SLC12A6: variants seen among roughly 807,000 people sequenced by gnomAD.
SLC12A6 encodes K-Cl cotransporter 3.
A neutral mutation model predicts 135.3 loss-of-function variants in SLC12A6; 66 were observed. The ratio of observed to expected loss-of-function variants is 0.49; its 90% confidence interval spans 0.40 to 0.60. SLC12A6 has a LOEUF of 0.60. Ranked by LOEUF, SLC12A6 falls within the 20% of genes least tolerant of loss-of-function variation. SLC12A6 has a pLI of 0.00. For synonymous variants in SLC12A6, 513 were observed against 508.8 expected, an observed-to-expected ratio of 1.01 and a Z score of -0.11; for missense variants, 1,058 against 1,452.3, an observed-to-expected ratio of 0.73 and a Z score of 4.41.
intron 19 of SLC12A6, among the ~76,000 whole-genome samples, chr15:34,240,098 C>T (rs74665959): frequency 2.0e-5 from 3 of 151,952 alleles, no homozygotes; most frequent in Admixed American, 6.6e-5. Context: ...ATCCTTCCCC[C>T]CTCCCCCCAC....
chr15:34,278,565 A>G (rs1038616265), intron 2 of SLC12A6, among the ~76,000 whole-genome samples: 1 of 152,186 alleles, frequency 6.6e-6, no homozygotes, highest in Non-Finnish European at 1.5e-5. Context: ...TCAGATGAGT[A>G]GAAACAAGTC....
At chr15:34,309,267 CAT>C (rs1283882215) in intron 2 of SLC12A6, among the ~76,000 whole-genome samples, 1 of 152,094 alleles carries the variant, frequency 6.6e-6, no homozygotes, top group Non-Finnish European at 1.5e-5. Flanking sequence ...TAACCTATGC[CAT>C]ATGTCTAAAT....
intron 2 of SLC12A6, among the ~76,000 whole-genome samples, chr15:34,334,538 G>A (rs1890074853): frequency 6.6e-6 from 1 of 151,884 alleles, no homozygotes; most frequent in African/African-American, 2.4e-5. Flanking sequence ...CATGATGACA[G>A]TCATCATAAG....
chr15:34,283,330 C>T (rs150857946), intron 2 of SLC12A6, among the ~76,000 whole-genome samples: 66 of 151,660 alleles, frequency 4.4e-4, no homozygotes, highest in African/African-American at 1.1e-3. Flanking sequence ...GTGACAAGAG[C>T]GAAACTCTGT....
intron 2 of SLC12A6, among the ~76,000 whole-genome samples, chr15:34,322,567 G>C (rs965468062): frequency 4.6e-5 from 7 of 152,066 alleles, no homozygotes; most frequent in Admixed American, 4.6e-4. Context: ...GCATACAATA[G>C]GATAGATGGA....
chr15:34,316,673 G>T (rs1455594119), intron 2 of SLC12A6, among the ~76,000 whole-genome samples: 1 of 152,164 alleles, frequency 6.6e-6, no homozygotes, highest in East Asian at 1.9e-4. Flanking sequence ...ACCTAATAAT[G>T]TCCACTCATT....
At chr15:34,295,924 C>T (rs564842861) in intron 2 of SLC12A6, among the ~76,000 whole-genome samples, 2 of 152,230 alleles carry the variant, frequency 1.3e-5, no homozygotes, top group African/African-American at 4.8e-5. Flanking sequence ...TGCTTGAACC[C>T]AGGAGAAGGA....
intron 2 of SLC12A6, among the ~76,000 whole-genome samples, chr15:34,325,612 T>C (rs561795082): frequency 6.6e-6 from 1 of 152,286 alleles, no homozygotes; most frequent in East Asian, 1.9e-4. Flanking sequence ...GCTACCTCTT[T>C]GGTTGGTGAT....
intron 3 of SLC12A6, among the ~76,000 whole-genome samples, chr15:34,271,450 T>G (rs755740386): frequency 5.9e-5 from 9 of 151,976 alleles, no homozygotes; most frequent in Non-Finnish European, 1.0e-4. Context: ...AAAACTGAGG[T>G]AGTAGTTACT....
Position 34,238,949 on chromosome 15 carries a change from G to C in SLC12A6, c.2632+16C>G. 1 of 1,606,318 alleles carries C rather than the reference G, an allele frequency of 6.2e-7. No homozygotes were observed. On this transcript the variant is annotated intron_variant, in intron 20 of 25. Transcript: ENST00000354181. ...TCGACTTGGGCCTTTAGGTTTGTAT[G>C]AGAAATGGTTAGTACCAATAAAAGT...
At chr15:34,258,406 T>C (rs1325809163) in intron 5 of SLC12A6, among the ~76,000 whole-genome samples, 2 of 152,194 alleles carry the variant, frequency 1.3e-5, no homozygotes, top group African/African-American at 4.8e-5. Flanking sequence ...GAATGCTCTT[T>C]TCCCACATAG....
At chr15:34,240,432 G>A (rs538343284) in intron 19 of SLC12A6, among the ~76,000 whole-genome samples, 53 of 152,234 alleles carry the variant, frequency 3.5e-4, no homozygotes, top group African/African-American at 1.1e-3. Flanking sequence ...ATAAGGTTTA[G>A]ACTTAATAAT....
At chr15:34,234,108 TTTGGA>T (rs1309576518) in intron 25 of SLC12A6, 136 bp from the exon 26 acceptor site, 8 of 688,264 alleles carry the variant, frequency 1.2e-5, no homozygotes, top group Admixed American at 1.0e-4. Context: ...AAGTCTGAAC[TTTGGA>T]TTGAATTTAA....
At chr15:34,274,216 T>C (rs1441579277) in intron 3 of SLC12A6, among the ~76,000 whole-genome samples, 1 of 152,150 alleles carries the variant, frequency 6.6e-6, no homozygotes, top group African/African-American at 2.4e-5. Flanking sequence ...TGTACTAAGA[T>C]GTCCAAGGTA....
intron 2 of SLC12A6, among the ~76,000 whole-genome samples, chr15:34,311,074 G>T (rs950573202): frequency 6.6e-6 from 1 of 152,098 alleles, no homozygotes; most frequent in Non-Finnish European, 1.5e-5. Flanking sequence ...GTGAGTTACT[G>T]TTTGGAGATG....
chr15:34,255,217 C>T, intron 8 of SLC12A6, 45 bp downstream of exon 8: 9 of 1,422,908 alleles, frequency 6.3e-6, no homozygotes, highest in Non-Finnish European at 8.9e-6. Context: ...AAACCTAAAT[C>T]AATATTTCTT....
upstream of SLC12A6, chr15:34,337,814 C>T (rs1890297974): frequency 6.6e-6 from 1 of 152,166 alleles, no homozygotes; most frequent in African/African-American, 2.4e-5. Context: ...AGGGTTCGCG[C>T]TGCCGGGGCT....
chr15:34,260,014 T>C (rs1893003360), intron 4 of SLC12A6, among the ~76,000 whole-genome samples: 1 of 152,164 alleles, frequency 6.6e-6, no homozygotes. Flanking sequence ...TGAGATCTAT[T>C]GCACAGCATA....
chr15:34,331,256 C>T (rs1447437086), intron 2 of SLC12A6, among the ~76,000 whole-genome samples: 1 of 152,168 alleles, frequency 6.6e-6, no homozygotes, highest in Non-Finnish European at 1.5e-5. Context: ...TCTCATGCCT[C>T]AGCCACCTGA....
Sources: allele counts gnomAD v4.1 joint callset (sites outside exome capture counted in the v4.1 genomes callset), GRCh38; gene constraint gnomAD v4.1.1; transcripts MANE v1.5; gene names NCBI Gene and HGNC (gene_info 2026-07-23, HGNC 2026-07-21).